The following DLGAP2 variants were observed in gnomAD, a reference collection of about 807,000 sequenced individuals.
The protein encoded by DLGAP2 is DLG associated protein 2.
A neutral mutation model predicts 100.3 loss-of-function variants in DLGAP2; 26 were observed. The ratio of observed to expected loss-of-function variants is 0.26; its 90% confidence interval spans 0.19 to 0.36. The LOEUF is 0.36. Among genes scored for constraint, DLGAP2 ranks in the 10% least tolerant of loss-of-function variants. The pLI is 1.00. For missense variants in DLGAP2, 1,858 were observed against 1,453.2 expected (o/e 1.28, Z -4.53); for synonymous variants, 886 against 630.1 (o/e 1.41, Z -6.08).
At chr8:1,349,956 A>G (rs1683648095) in intron 3 of DLGAP2, among the ~76,000 whole-genome samples, 1 of 152,248 alleles carries the variant, frequency 6.6e-6, no homozygotes, top group South Asian at 2.1e-4. Context: ...AATATGCTGT[A>G]CTTTACAGAG....
rs1315520086 is a variant in DLGAP2, at chr8:1,683,960, A to ATGTGTATATATATATGTGTG, written c.2704+5332_2704+5333insGTGTATATATATATGTGTGT. Among the ~76,000 whole-genome samples the ATGTGTATATATATATGTGTG allele has an allele frequency of 5.0e-3, 330 of 65,530 alleles. 3 individuals are homozygous for ATGTGTATATATATATGTGTG. The highest frequency in any genetic ancestry group is 0.028 in the African/African-American group (308 of 11,138). 43.0% of individuals were successfully genotyped at this position (65,530 alleles called of 152,430 possible). ...TGTGTATATATATATGTGTGTATAT[A>ATGTGTATATATATATGTGTG]TATATATATATATATATATATATAT... is the stretch of plus-strand genomic sequence containing the variant. On this transcript the variant is annotated intron_variant, in intron 12 of 14. Coordinates refer to ENST00000637795, the MANE Select transcript of DLGAP2 (RefSeq NM_001346810.2).
intron 3 of DLGAP2, among the ~76,000 whole-genome samples, chr8:1,450,632 G>C (rs1001987063): frequency 1.3e-5 from 2 of 151,530 alleles, no homozygotes; most frequent in Non-Finnish European, 2.9e-5. Context: ...TCCAAACTTT[G>C]TCTTCCCCCC....
chr8:745,027 T>C (rs550638136), intron 1 of DLGAP2, among the ~76,000 whole-genome samples: 6 of 152,268 alleles, frequency 3.9e-5, no homozygotes, highest in African/African-American at 1.2e-4. Context: ...GCCATGTCAC[T>C]GGATAAACAG....
In DLGAP2 at chr8:1,654,459, C is replaced by T. The variant is rs566283595; in HGVS notation, c.1811-13870C>T. Among the ~76,000 whole-genome samples, 17 of 151,898 alleles carry T rather than the reference C, an allele frequency of 1.1e-4. No individual in the cohort carries two copies. In the South Asian group the frequency reaches 3.5e-3, roughly 32 times the overall value. ...GGTGGATCACCTGAGGTTGGGAGTT[C>T]GAGACCACCCTGGCCAACATGGTGA... On this transcript the variant is annotated intron_variant, in intron 8 of 14. Transcript: ENST00000637795.
At chr8:1,210,466 G>T (rs918596673) in intron 2 of DLGAP2, among the ~76,000 whole-genome samples, 6 of 152,218 alleles carry the variant, frequency 3.9e-5, no homozygotes, top group Non-Finnish European at 7.3e-5. Context: ...GTGTGTGGGG[G>T]GAAGGAGAGG....
intron 2 of DLGAP2, among the ~76,000 whole-genome samples, chr8:1,223,895 G>T (rs1798364971): frequency 6.6e-6 from 1 of 152,210 alleles, no homozygotes; most frequent in African/African-American, 2.4e-5. Context: ...AACAATGTGT[G>T]AGATGGAGAA....
intron 3 of DLGAP2, among the ~76,000 whole-genome samples, chr8:1,326,479 G>C (rs781725042): frequency 2.0e-5 from 3 of 152,064 alleles, no homozygotes; most frequent in Non-Finnish European, 4.4e-5. Flanking sequence ...GCACGCGCTC[G>C]GTCTCGGTCC....
intron 4 of DLGAP2, among the ~76,000 whole-genome samples, chr8:1,512,219 T>G (rs908483403): frequency 6.6e-6 from 1 of 152,176 alleles, no homozygotes; most frequent in Non-Finnish European, 1.5e-5. Flanking sequence ...AGATGTCCAT[T>G]GTAGAAGAAT....
At chr8:996,514 C>T (rs919635144) in intron 2 of DLGAP2, among the ~76,000 whole-genome samples, 2 of 152,112 alleles carry the variant, frequency 1.3e-5, no homozygotes, top group Admixed American at 6.5e-5. Context: ...TTGTGCCTGT[C>T]GATGGGATGT....
Position 1,626,765 on chromosome 8 carries a change from G to T in DLGAP2, c.1468G>T (p.Asp490Tyr). 1 of 1,603,936 alleles carries T rather than the reference G, an allele frequency of 6.2e-7. No individual in the cohort carries two copies. Among genetic ancestry groups the T allele is most frequent in the Non-Finnish European group, 8.5e-7 (1 of 1,175,644 alleles). ...CCAGACCTACCTGCAAGCTGCAAGC[G>T]ATGTGCCTGTGGGACACAGCCTGGA... is the stretch of plus-strand genomic sequence containing the variant. Reference protein sequence around the residue: ...QTQTYLQAASDVPVGHSLDPA... With the variant: ...QTQTYLQAASYVPVGHSLDPA... Residue 490 changes from aspartate (D) to tyrosine (Y), a missense_variant, in exon 7 of 15, where the codon GAT becomes TAT. Asp to Tyr is a radical substitution (Grantham distance 160). Transcript: ENST00000637795.
At chr8:879,147 G>A (rs1797738023) in intron 1 of DLGAP2, among the ~76,000 whole-genome samples, 1 of 152,166 alleles carries the variant, frequency 6.6e-6, no homozygotes, top group South Asian at 2.1e-4. Context: ...GGATCACAAA[G>A]GGAGTTTGTG....
intron 3 of DLGAP2, among the ~76,000 whole-genome samples, chr8:1,450,992 G>A (rs1798144227): frequency 6.6e-6 from 1 of 152,082 alleles, no homozygotes; most frequent in Non-Finnish European, 1.5e-5. Flanking sequence ...CAGTGACAAG[G>A]GAGTCCCAGG....
intron 3 of DLGAP2, among the ~76,000 whole-genome samples, chr8:1,500,860 A>G (rs1799697372): frequency 6.6e-6 from 1 of 152,252 alleles, no homozygotes; most frequent in Non-Finnish European, 1.5e-5. Context: ...CCTAATATGA[A>G]CTAATATTAA....
intron 2 of DLGAP2, among the ~76,000 whole-genome samples, chr8:953,975 G>C (rs1480903977): frequency 1.3e-5 from 2 of 152,210 alleles, no homozygotes; most frequent in African/African-American, 4.8e-5. Context: ...ATGAGGACTT[G>C]TGCCACTGGT....
At chr8:1,088,530 C>T (rs182461993) in intron 2 of DLGAP2, among the ~76,000 whole-genome samples, 4 of 152,154 alleles carry the variant, frequency 2.6e-5, no homozygotes, top group East Asian at 3.9e-4. Context: ...ATAAAGCTGT[C>T]AAATCTCTGA....
intron 8 of DLGAP2, among the ~76,000 whole-genome samples, chr8:1,643,157 C>T (rs867777537): frequency 3.6e-5 from 1 of 27,836 alleles, no homozygotes; most frequent in Non-Finnish European, 5.6e-5. Context: ...ACCCCGCCGG[C>T]CCTCACCTGT....
intron 1 of DLGAP2, among the ~76,000 whole-genome samples, chr8:765,219 T>G (rs558737141): frequency 6.6e-6 from 1 of 152,204 alleles, no homozygotes; most frequent in African/African-American, 2.4e-5. Flanking sequence ...AAGATAACTT[T>G]ATTACAAAAA....
At chr8:935,609 A>G (rs1187742022) in intron 2 of DLGAP2, among the ~76,000 whole-genome samples, 2 of 152,130 alleles carry the variant, frequency 1.3e-5, no homozygotes, top group Admixed American at 6.5e-5. Context: ...TCGCATTTGC[A>G]TACTCCTGCA....
intron 6 of DLGAP2, among the ~76,000 whole-genome samples, chr8:1,577,407 A>G (rs1207108895): frequency 6.6e-6 from 1 of 151,944 alleles, no homozygotes; most frequent in African/African-American, 2.4e-5. Flanking sequence ...CATCTTTACT[A>G]AAAATTCAAA....
Sources: allele counts gnomAD v4.1 joint callset (sites outside exome capture counted in the v4.1 genomes callset), GRCh38; gene constraint gnomAD v4.1.1; transcripts MANE v1.5; gene names NCBI Gene and HGNC (gene_info 2026-07-23, HGNC 2026-07-21).